The following DYSF variants were observed in gnomAD, a reference collection of about 807,000 sequenced individuals.
DYSF encodes dystrophy-associated fer-1-like 1.
DYSF carries 212 observed loss-of-function variants against 274.9 expected under a neutral mutation model. The ratio of observed to expected loss-of-function variants is 0.77; its 90% CI spans 0.69 to 0.86. DYSF has a LOEUF of 0.86. Ranked by LOEUF, DYSF falls within the 40% of genes least tolerant of loss-of-function variation. The pLI is 0.00. For missense variants in DYSF, 2,666 were observed against 2,783.2 expected, an observed-to-expected ratio of 0.96 and a Z score of 0.95; for synonymous variants, 1,091 against 1,078.7, an observed-to-expected ratio of 1.01 and a Z score of -0.22.
At chr2:71,543,467 G>T (rs1396383920) in intron 17 of DYSF, among the ~76,000 whole-genome samples, 3 of 152,228 alleles carry the variant, frequency 2.0e-5, no homozygotes, top group Non-Finnish European at 4.4e-5. Context: ...GTGGCGGCCG[G>T]GCAGAGGCTG....
intron 17 of DYSF, among the ~76,000 whole-genome samples, chr2:71,544,822 G>A (rs10191327): frequency 0.67 from 102,114 of 151,996 alleles, 35,175 homozygotes; most frequent in Middle Eastern, 0.76. Context: ...TCAGAGGCAT[G>A]TACCTGACAT....
intron 16 of DYSF, among the ~76,000 whole-genome samples, chr2:71,538,912 T>C (rs1223121813): frequency 1.3e-5 from 2 of 152,172 alleles, no homozygotes; most frequent in African/African-American, 4.8e-5. Context: ...GGTTGCCTGA[T>C]GGGATGCTGG....
intron 3 of DYSF, 92 bp downstream of exon 3, chr2:71,482,062 T>C: frequency 9.5e-7 from 1 of 1,056,108 alleles, no homozygotes; most frequent in Non-Finnish European, 1.4e-6. Context: ...CCCAGGGAGC[T>C]GGGGTTTCAA....
intron 36 of DYSF, among the ~76,000 whole-genome samples, chr2:71,603,528 C>G (rs1441579430): frequency 6.6e-6 from 1 of 152,158 alleles, no homozygotes; most frequent in African/African-American, 2.4e-5. Flanking sequence ...ATCCCCAGAC[C>G]GACAGCGGAC....
intron 42 of DYSF, among the ~76,000 whole-genome samples, chr2:71,645,206 T>C (rs904472252): frequency 3.1e-4 from 47 of 152,318 alleles, no homozygotes; most frequent in African/African-American, 1.1e-3. Flanking sequence ...CTTGCCTTGG[T>C]GTACTGAAAG....
chr2:71,497,371 G>C (rs1466239131), intron 3 of DYSF, among the ~76,000 whole-genome samples: 2 of 152,114 alleles, frequency 1.3e-5, no homozygotes, highest in African/African-American at 4.8e-5. Flanking sequence ...GCTGTGGGAG[G>C]GACCCAGTGG....
intron 32 of DYSF, 32 bp downstream of exon 32, chr2:71,590,320 CTG>C (rs957433766): frequency 1.2e-6 from 2 of 1,611,620 alleles, no homozygotes; most frequent in African/African-American, 2.7e-5. Context: ...GAGTCAGAGA[CTG>C]TGGGCTGAGA....
chr2:71,620,265 G>A (rs553185062), intron 40 of DYSF, among the ~76,000 whole-genome samples: 3 of 152,302 alleles, frequency 2.0e-5, no homozygotes, highest in East Asian at 3.9e-4. Context: ...TGTGCTGGGC[G>A]TGCACAGCCT....
At chr2:71,598,421 A>T in intron 32 of DYSF, 143 bp from the exon 33 acceptor site, 1 of 1,002,628 alleles carries the variant, frequency 1.0e-6, no homozygotes. Context: ...CATAGGGAAG[A>T]TGCATCCCAG....
chr2:71,512,802 CAGGGCT>C (rs2086232278), intron 5 of DYSF, among the ~76,000 whole-genome samples: 3 of 29,804 alleles, frequency 1.0e-4, no homozygotes, highest in Non-Finnish European at 2.6e-4. Flanking sequence ...CAGCCCAGCA[CAGGGCT>C]CTGTGGTGAG....
upstream of DYSF, among the ~76,000 whole-genome samples, chr2:71,462,032 C>T (rs1412978646): frequency 1.3e-5 from 2 of 152,122 alleles, no homozygotes; most frequent in Non-Finnish European, 2.9e-5. Flanking sequence ...TTGCTTTTTC[C>T]AGCTGGAAAC....
At chr2:71,484,014 G>T in intron 3 of DYSF, among the ~76,000 whole-genome samples, 1 of 145,120 alleles carries the variant, frequency 6.9e-6, no homozygotes, top group East Asian at 2.0e-4. Context: ...ATCTTATTCA[G>T]CATTTTTACA....
At chr2:71,541,974 C>T (rs1327535945) in intron 17 of DYSF, among the ~76,000 whole-genome samples, 2 of 152,012 alleles carry the variant, frequency 1.3e-5, no homozygotes, top group Admixed American at 6.6e-5. Flanking sequence ...TTCTTAAATC[C>T]GAGTTGAGGA....
rs1446447572 is a variant in DYSF at position 71,539,199 on chromosome 2, G to T, written c.1536G>T (p.Leu512=). 6.2e-7 allele frequency: 1 copy of T among 1,613,984 alleles called. No homozygotes were observed. The highest frequency in any genetic ancestry group is 8.5e-7 in the Non-Finnish European group (1 of 1,180,032). ...THNDIVATTY[L]SMSKISAPGG... is the part of the protein sequence containing the mutation. ...ATGACATCGTGGCTACCACCTACCT[G>T]AGTATGTCGAAAATCTCTGCCCCTG... The change falls in exon 17 of 56, where the codon CTG becomes CTT. Residue 512 remains leucine (L), a synonymous_variant. Coordinates refer to ENST00000410020, the MANE Select transcript of DYSF (RefSeq NM_001130987.2).
chr2:71,610,790 C>T lies in DYSF; in HGVS notation c.3958-455C>T, dbSNP rs377716594. On this transcript the variant is annotated intron_variant, in intron 36 of 55. Coordinates refer to ENST00000410020, the MANE Select transcript of DYSF (RefSeq NM_001130987.2). ...AGAAATACCAGGACAGATGATAACC[C>T]GGAAGGGTCTGAGCCAGGAGGCAGG... The T allele has an allele frequency of 7.3e-5, 20 of 273,642 alleles. No homozygotes were observed. The East Asian group carries it at 1.1e-3, about 15-fold the overall frequency. The allele number at this position is 273,642 out of a possible 1,614,324, so 17.0% of individuals were successfully genotyped here.
intron 5 of DYSF, 102 bp from the exon 6 acceptor site, chr2:71,513,138 G>A: frequency 2.7e-6 from 3 of 1,091,104 alleles, no homozygotes; most frequent in Non-Finnish European, 4.1e-6. Flanking sequence ...AGGCTGGGGT[G>A]GGCGGGGAAG....
At position 71,473,467 on chromosome 2, in the gene DYSF, C is replaced by T. The variant is rs2082179436; in HGVS notation, c.91+6534C>T. On this transcript the variant is annotated intron_variant, in intron 1 of 55. Coordinates refer to ENST00000410020, the MANE Select transcript of DYSF (RefSeq NM_001130987.2). ...AGGCTGCTGCAGGATCCAAAGCCCC[C>T]TGCAGCTTCTGAGAGTAACTCCTGT... Among the ~76,000 whole-genome samples, 5 of 152,342 alleles carry T rather than the reference C, an allele frequency of 3.3e-5. No homozygotes were observed. In the South Asian group the frequency reaches 1.0e-3, roughly 32 times the overall value.
intron 17 of DYSF, among the ~76,000 whole-genome samples, chr2:71,546,141 G>A (rs1465306613): frequency 1.3e-5 from 2 of 152,222 alleles, no homozygotes; most frequent in South Asian, 2.1e-4. Flanking sequence ...GCCTCTCTCC[G>A]GCCTTGAGGT....
At chr2:71,612,298 C>T (rs2093781153) in intron 38 of DYSF, among the ~76,000 whole-genome samples, 1 of 152,130 alleles carries the variant, frequency 6.6e-6, no homozygotes, top group African/African-American at 2.4e-5. Context: ...TGAGTATCCA[C>T]TTGGGGGGAC....
Sources: allele counts gnomAD v4.1 joint callset (sites outside exome capture counted in the v4.1 genomes callset), GRCh38; gene constraint gnomAD v4.1.1; transcripts MANE v1.5; gene names NCBI Gene and HGNC (gene_info 2026-07-23, HGNC 2026-07-21).